Variants in ZNF782 observed in about 807,000 individuals in gnomAD.
ZNF782 encodes zinc finger protein 782.
In ZNF782, 12 loss-of-function variants were observed where a neutral mutation model predicts 13.0. The ratio of observed to expected loss-of-function variants is 0.92; its 90% CI spans 0.59 to 1.50. ZNF782 has a LOEUF of 1.50. ZNF782 is among the 40% of genes most tolerant of loss of function. ZNF782 has a pLI of 0.00. For missense variants in ZNF782, 770 were observed against 822.9 expected (o/e 0.94, Z 0.79); for synonymous variants, 284 against 283.0 (o/e 1.00, Z -0.04).
At chr9:96,857,063 A>G (rs74485430), upstream of ZNF782, among the ~76,000 whole-genome samples, 1,408 of 152,310 alleles carry the variant, frequency 9.2e-3, 52 homozygotes, top group East Asian at 0.1. Flanking sequence ...GTTTTTGTGA[A>G]AAGATTAACA....
upstream of ZNF782, among the ~76,000 whole-genome samples, chr9:96,879,177 G>A (rs1851932108): frequency 6.6e-6 from 1 of 152,198 alleles, no homozygotes; most frequent in Non-Finnish European, 1.5e-5. Flanking sequence ...CTTTGGCATA[G>A]TCAATTGTTA....
chr9:96,873,677 GACA>G (rs1319456928), intron 1 of ZNF782, among the ~76,000 whole-genome samples: 3 of 152,234 alleles, frequency 2.0e-5, no homozygotes, highest in African/African-American at 7.2e-5. Flanking sequence ...CACCCTGGGT[GACA>G]GAGCGAGACC....
upstream of ZNF782, among the ~76,000 whole-genome samples, chr9:96,879,080 CAG>C (rs1851930379): frequency 6.6e-6 from 1 of 152,200 alleles, no homozygotes; most frequent in Non-Finnish European, 1.5e-5. Context: ...ATTCATTCAA[CAG>C]ACACTTATTG....
chr9:96,873,645 A>C (rs1851854964), intron 1 of ZNF782, among the ~76,000 whole-genome samples: 1 of 152,254 alleles, frequency 6.6e-6, no homozygotes, highest in South Asian at 2.1e-4. Context: ...CGTTGCAGTG[A>C]GCAGTGAGCA....
chr9:96,896,841 C>T, the ZNF782 span, among the ~76,000 whole-genome samples: 1 of 152,192 alleles, frequency 6.6e-6, no homozygotes, highest in South Asian at 2.1e-4. Flanking sequence ...TATCTGAAGC[C>T]ACTGGCAGGC....
Position 96,819,134 on chromosome 9 carries a change from T to G in ZNF782, c.889A>C (p.Lys297Gln), listed in dbSNP as rs572362807. 1 of 1,613,860 alleles carries G rather than the reference T, an allele frequency of 6.2e-7. No individual in the cohort carries two copies. The highest frequency in any genetic ancestry group is 1.1e-5 in the South Asian group (1 of 90,996). ...TLTGGKSFSQ[K>Q]SHIREHHRVH... ...CTATGATGTTCTCTAATGTGTGACT[T>G]TTGGCTGAAGGATTTCCCTCCTGTG... Residue 297 changes from lysine to glutamine, a missense_variant, in exon 6 of 6, where the codon AAG (lysine) becomes CAG (glutamine). Physicochemically the swap from Lys to Gln is moderately conservative, Grantham distance 53. Transcript: ENST00000481138.
intron 4 of ZNF782, among the ~76,000 whole-genome samples, chr9:96,839,822 A>G (rs1851133932): frequency 6.6e-6 from 1 of 152,318 alleles, no homozygotes; most frequent in Non-Finnish European, 1.5e-5. Flanking sequence ...TTTACTGAGT[A>G]TCACTCCTTA....
intron 3 of ZNF782, among the ~76,000 whole-genome samples, chr9:96,849,758 A>G (rs756753411): frequency 6.6e-5 from 10 of 152,246 alleles, no homozygotes; most frequent in Non-Finnish European, 1.3e-4. Flanking sequence ...AATATTTACA[A>G]ACTAGACATC....
Position 96,817,936 on chromosome 9 carries a change from T to A in ZNF782, c.2087A>T (p.His696Leu), listed in dbSNP as rs1563989797. The A allele has an allele frequency of 6.4e-7, 1 of 1,564,900 alleles. No homozygotes were observed. ...ATATGCATACATTTAATCCCCTGGG[T>A]GGGCTTTCTGATGTTCTCTAAGGCT... ...KSSLREHQKA[H>L]PGD Residue 696 changes from histidine to leucine, a missense_variant, in exon 6 of 6, where the codon CAC (histidine) becomes CTC (leucine). Physicochemically the swap from His to Leu is moderately conservative, Grantham distance 99. Transcript: ENST00000481138.
At chr9:96,885,370 T>C in the ZNF782 span, among the ~76,000 whole-genome samples, 1 of 152,102 alleles carries the variant, frequency 6.6e-6, no homozygotes, top group East Asian at 1.9e-4. Context: ...CTGGATATGC[T>C]CAATAGTATA....
chr9:96,838,897 G>A (rs1851094896), intron 4 of ZNF782, among the ~76,000 whole-genome samples: 1 of 151,884 alleles, frequency 6.6e-6, no homozygotes, highest in Non-Finnish European at 1.5e-5. Context: ...TGTATTTTTA[G>A]TAGAGATGGG....
At chr9:96,882,089 T>C in the ZNF782 span, among the ~76,000 whole-genome samples, 1 of 151,858 alleles carries the variant, frequency 6.6e-6, no homozygotes, top group African/African-American at 2.4e-5. Context: ...TTAATACAAG[T>C]GTTCAGGCTT....
At chr9:96,825,726 A>G (rs1850594116) in intron 5 of ZNF782, among the ~76,000 whole-genome samples, 1 of 152,230 alleles carries the variant, frequency 6.6e-6, no homozygotes, top group Non-Finnish European at 1.5e-5. Flanking sequence ...ACCCCATCAA[A>G]AAGTGGGCAA....
At chr9:96,877,576 G>A (rs1361460640), upstream of ZNF782, among the ~76,000 whole-genome samples, 1 of 152,258 alleles carries the variant, frequency 6.6e-6, no homozygotes, top group East Asian at 1.9e-4. Context: ...ATAGGCCCGC[G>A]TCCGAGCGCG....
chr9:96,865,719 G>A (rs190334688), intron 1 of ZNF782, among the ~76,000 whole-genome samples: 3 of 152,290 alleles, frequency 2.0e-5, no homozygotes, highest in African/African-American at 4.8e-5. Context: ...ATATGGGAAC[G>A]TTTGGAACTC....
chr9:96,847,182 G>C (rs1851364478), intron 3 of ZNF782, among the ~76,000 whole-genome samples: 2 of 152,164 alleles, frequency 1.3e-5, no homozygotes, highest in Admixed American at 1.3e-4. Context: ...TAGCAAAGCA[G>C]TGCTAAGAGA....
chr9:96,819,902 C>A (rs1850350597), intron 5 of ZNF782, 124 bp from the exon 6 acceptor site: 4 of 799,202 alleles, frequency 5.0e-6, no homozygotes, highest in South Asian at 8.5e-5. Flanking sequence ...AGTTTCTCAA[C>A]AATAAAGTAA....
chr9:96,838,641 G>A (rs1851080108), intron 4 of ZNF782, among the ~76,000 whole-genome samples: 2 of 151,134 alleles, frequency 1.3e-5, no homozygotes, highest in African/African-American at 4.9e-5. Context: ...GATCTTCCAT[G>A]TTGTGAAGTC....
At chr9:96,828,818 C>T (rs940813359) in intron 4 of ZNF782, among the ~76,000 whole-genome samples, 1 of 152,054 alleles carries the variant, frequency 6.6e-6, no homozygotes, top group African/African-American at 2.4e-5. Context: ...TATAAACCCT[C>T]AGATCCAAGA....
Sources: allele counts gnomAD v4.1 joint callset (sites outside exome capture counted in the v4.1 genomes callset), GRCh38; gene constraint gnomAD v4.1.1; transcripts MANE v1.5; gene names NCBI Gene and HGNC (gene_info 2026-07-23, HGNC 2026-07-21).